The following LRIG1 variants were observed in gnomAD, a reference collection of about 807,000 sequenced individuals.
LRIG1 encodes leucine rich repeats and immunoglobulin like domains 1.
Under a neutral mutation model 99.2 loss-of-function variants are expected in LRIG1, and 48 were observed. The observed-to-expected ratio is 0.48, with a 90% CI of 0.38 to 0.62. The LOEUF is 0.62. Among genes scored for constraint, LRIG1 ranks in the 20% least tolerant of loss-of-function variants. LRIG1 has a pLI of 0.00. For missense variants in LRIG1, 1,646 were observed against 1,434.4 expected, an observed-to-expected ratio of 1.15 and a Z score of -2.38; for synonymous variants, 772 against 596.1, an observed-to-expected ratio of 1.29 and a Z score of -4.30.
chr3:66,487,083 A>C (rs994161464), intron 1 of LRIG1, among the ~76,000 whole-genome samples: 6 of 152,178 alleles, frequency 3.9e-5, no homozygotes, highest in Non-Finnish European at 8.8e-5. Flanking sequence ...TGATTCTTTG[A>C]AGTGGTTCTC....
chr3:66,394,715 C>T (rs1027253290), intron 11 of LRIG1, among the ~76,000 whole-genome samples: 3 of 152,230 alleles, frequency 2.0e-5, no homozygotes, highest in African/African-American at 7.2e-5. Context: ...CAACAAGTTC[C>T]GAGGAGGGCT....
intron 6 of LRIG1, among the ~76,000 whole-genome samples, chr3:66,410,665 C>T (rs1045722298): frequency 6.6e-6 from 1 of 152,128 alleles, no homozygotes; most frequent in Non-Finnish European, 1.5e-5. Context: ...TAGCGAAACC[C>T]CATCTCTACC....
intron 3 of LRIG1, among the ~76,000 whole-genome samples, chr3:66,426,738 A>C (rs939687050): frequency 6.6e-6 from 1 of 152,202 alleles, no homozygotes; most frequent in Non-Finnish European, 1.5e-5. Flanking sequence ...ACTTTACAGA[A>C]GACAGAAATC....
intron 3 of LRIG1, among the ~76,000 whole-genome samples, chr3:66,420,161 AAC>A (rs1702756853): frequency 6.6e-6 from 1 of 152,266 alleles, no homozygotes; most frequent in South Asian, 2.1e-4. Context: ...TTCCAAAGAA[AAC>A]ACACAAATGG....
intron 12 of LRIG1, 115 bp downstream of exon 12, chr3:66,393,925 T>C: frequency 8.9e-7 from 1 of 1,117,394 alleles, no homozygotes; most frequent in Non-Finnish European, 1.3e-6. Flanking sequence ...GCAGCTGATC[T>C]GTAACCACGG....
At chr3:66,423,157 TG>T (rs1448132840) in intron 3 of LRIG1, among the ~76,000 whole-genome samples, 1 of 152,148 alleles carries the variant, frequency 6.6e-6, no homozygotes, top group Non-Finnish European at 1.5e-5. Flanking sequence ...TTTTGCAAGA[TG>T]GAAAAAAGTT....
chr3:66,438,415 T>G (rs768862721), intron 3 of LRIG1, among the ~76,000 whole-genome samples: 9 of 152,260 alleles, frequency 5.9e-5, no homozygotes, highest in Non-Finnish European at 1.3e-4. Flanking sequence ...GCCATGTGTG[T>G]TTTTAACCCT....
At chr3:66,419,025 A>G (rs1362226300) in intron 3 of LRIG1, among the ~76,000 whole-genome samples, 1 of 152,188 alleles carries the variant, frequency 6.6e-6, no homozygotes, top group East Asian at 1.9e-4. Flanking sequence ...GAAAACCTTT[A>G]TTATGTAAAG....
chr3:66,417,014 C>T, intron 4 of LRIG1, 115 bp downstream of exon 4: 7 of 1,399,534 alleles, frequency 5.0e-6, no homozygotes, highest in Non-Finnish European at 5.9e-6. Context: ...TCGGCCCAGC[C>T]GTGGTTGAGA....
intron 4 of LRIG1, among the ~76,000 whole-genome samples, chr3:66,415,920 G>A (rs754126541): frequency 2.9e-4 from 44 of 152,214 alleles, no homozygotes; most frequent in African/African-American, 9.9e-4. Context: ...AAAGACCAGA[G>A]AGGATTTTCT....
rs77817750 is a variant in LRIG1, at chr3:66,424,342, C to A, written c.366-7076G>T. The stretch of plus-strand genomic sequence containing the variant: ...AGGTAGCCTGCTGGTCTAAGATACC[C>A]TCTCTAGGTCTCCCCCCCATGAAGG... On this transcript the variant is annotated intron_variant, in intron 3 of 18. Transcript: ENST00000273261. Among the ~76,000 whole-genome samples the A allele has an allele frequency of 4.6e-5, 7 of 152,198 alleles. No individual in the cohort carries two copies. In the South Asian group the frequency reaches 1.2e-3, roughly 27 times the overall value.
chr3:66,398,363 G>C (rs1353105578), intron 10 of LRIG1, among the ~76,000 whole-genome samples, 180 bp from the exon 11 acceptor site: 1 of 152,202 alleles, frequency 6.6e-6, no homozygotes, highest in African/African-American at 2.4e-5. Flanking sequence ...CAGGAGCCAA[G>C]CCAGCCTTAG....
intron 12 of LRIG1, among the ~76,000 whole-genome samples, chr3:66,392,931 G>C (rs1415410904): frequency 6.6e-6 from 1 of 152,228 alleles, no homozygotes; most frequent in Non-Finnish European, 1.5e-5. Flanking sequence ...CCATAAGACA[G>C]ATCGGTATGA....
chr3:66,451,545 A>G lies in LRIG1; in HGVS notation c.365+14T>C. The stretch of plus-strand genomic sequence containing the variant: ...CACCACACAGCCCAGAGTCCCCCAA[A>G]CGGCACCACTTACAGAAAGAGAGAG... On this transcript the variant is annotated intron_variant, in intron 3 of 18. Coordinates refer to ENST00000273261, the MANE Select transcript of LRIG1 (RefSeq NM_015541.3). 2 of 1,613,410 alleles carry G rather than the reference A, an allele frequency of 1.2e-6. No individual in the cohort carries two copies. The highest frequency in any genetic ancestry group is 1.7e-6 in the Non-Finnish European group (2 of 1,179,552).
intron 9 of LRIG1, chr3:66,404,259 C>T: frequency 3.9e-6 from 5 of 1,289,366 alleles, no homozygotes; most frequent in Non-Finnish European, 4.0e-6. Context: ...TATCATCGAG[C>T]TCCACTAGGG....
At chr3:66,466,735 C>T (rs1024108151) in intron 1 of LRIG1, among the ~76,000 whole-genome samples, 2 of 152,184 alleles carry the variant, frequency 1.3e-5, no homozygotes, top group African/African-American at 4.8e-5. Flanking sequence ...TGAACACGAT[C>T]GCCCTGTACC....
intron 2 of LRIG1, among the ~76,000 whole-genome samples, chr3:66,454,129 C>T (rs1703994705): frequency 6.6e-6 from 1 of 152,154 alleles, no homozygotes; most frequent in African/African-American, 2.4e-5. Flanking sequence ...GGAGGACACT[C>T]AAAGCCCCCA....
At position 66,417,133 on chromosome 3, in the gene LRIG1, C is replaced by A. The variant is rs1702638753; in HGVS notation, c.499G>T (p.Glu167Ter). Reference protein sequence around the residue: ...TCFPHGPPIKELNLAGNRIGT... With the variant: ...TCFPHGPPIK Reference sequence around the variant, plus strand: ...TGGCAGAACAGAGGCACTTACAGCTCCTTTATAGGCGGTCCGTGTGGAAAG... The same window carrying A: ...TGGCAGAACAGAGGCACTTACAGCTACTTTATAGGCGGTCCGTGTGGAAAG... Residue 167 changes from glutamate (E) to a stop codon, truncating the protein, a stop_gained, in exon 4 of 19, where the codon GAG (glutamate) becomes TAG (stop). Transcript: ENST00000273261. LOFTEE classifies it high-confidence loss of function. 1 of 1,613,932 alleles carries A rather than the reference C, an allele frequency of 6.2e-7. No individual in the cohort carries two copies. The highest frequency in any genetic ancestry group is 1.1e-5 in the South Asian group (1 of 91,068).
At chr3:66,419,145 C>T (rs1424494774) in intron 3 of LRIG1, among the ~76,000 whole-genome samples, 1 of 152,040 alleles carries the variant, frequency 6.6e-6, no homozygotes, top group African/African-American at 2.4e-5. Context: ...GACAGAAGGG[C>T]CGGGCGCCAC....
Sources: gnomAD v4.1 joint callset for allele counts (sites outside exome capture counted in the v4.1 genomes callset) on GRCh38, gnomAD v4.1.1 for gene constraint, MANE v1.5 for transcripts, NCBI Gene and HGNC (gene_info 2026-07-23, HGNC 2026-07-21) for gene names.